BCAT2: variants seen among roughly 807,000 people sequenced by gnomAD.
BCAT2 encodes the protein branched-chain-amino-acid aminotransferase, mitochondrial.
BCAT2 carries 44 observed loss-of-function variants against 52.9 expected under a neutral mutation model. That is an observed-to-expected ratio of 0.83 (90% CI 0.65 to 1.07). BCAT2 has a LOEUF of 1.07. Ranked by LOEUF, BCAT2 falls within the 50% of genes least tolerant of loss-of-function variation. The pLI, the probability that BCAT2 is intolerant of heterozygous loss-of-function variation, is 0.00. For missense variants in BCAT2, 478 were observed against 521.8 expected, an observed-to-expected ratio of 0.92 and a Z score of 0.82; for synonymous variants, 215 against 217.1, an observed-to-expected ratio of 0.99 and a Z score of 0.08.
intron 6 of BCAT2, 85 bp from the exon 7 acceptor site, chr19:48,797,418 TC>T (rs1599793624): frequency 6.7e-7 from 1 of 1,499,866 alleles, no homozygotes; most frequent in East Asian, 2.3e-5. Context: ...TCCTACTCTC[TC>T]CCGTCTCCCT....
chr19:48,808,632 G>C (rs901609783), intron 1 of BCAT2, among the ~76,000 whole-genome samples: 1 of 152,010 alleles, frequency 6.6e-6, no homozygotes, highest in African/African-American at 2.4e-5. Context: ...GCGGGCGCCT[G>C]TAGTCCCAGC....
chr19:48,810,755 C>A (rs1158529005), intron 1 of BCAT2: 122 of 791,916 alleles, frequency 1.5e-4, no homozygotes, highest in Non-Finnish European at 1.7e-4. Context: ...TTTTTTTTTA[C>A]CTCCCCGCCA....
chr19:48,800,308 A>C lies in BCAT2; in HGVS notation c.301-11T>G, dbSNP rs886646322. On this transcript the variant is annotated splice_polypyrimidine_tract_variant and intron_variant, in intron 3 of 10. Transcript: ENST00000316273. ...CATGCCCTCAAACAGCTGCGGGGAC[A>C]CGCGGGTGGGGAGGCTCAGAGACTT... is the stretch of plus-strand genomic sequence containing the variant. 1.2e-6 allele frequency: 2 copies of C among 1,612,074 alleles called. No individual in the cohort carries two copies. Among genetic ancestry groups the C allele is most frequent in the African/African-American group, 2.7e-5 (2 of 74,938 alleles).
chr19:48,797,090 C>G (rs2034541781), intron 7 of BCAT2, 68 bp from the exon 8 acceptor site: 1 of 1,608,566 alleles, frequency 6.2e-7, no homozygotes, highest in African/African-American at 1.3e-5. Flanking sequence ...TAAGAGCCAC[C>G]CCCTTCCCCC....
intron 1 of BCAT2, chr19:48,810,756 CT>C: frequency 9.9e-7 from 1 of 1,015,210 alleles, no homozygotes; most frequent in Admixed American, 5.1e-5. Context: ...TTTTTTTTAC[CT>C]CCCCGCCAAT....
intron 3 of BCAT2, among the ~76,000 whole-genome samples, chr19:48,801,023 TG>T (rs940343865): frequency 6.6e-6 from 1 of 152,008 alleles, no homozygotes; most frequent in African/African-American, 2.4e-5. Flanking sequence ...GGTCTCACTC[TG>T]TCACCCAGGC....
intron 6 of BCAT2, among the ~76,000 whole-genome samples, chr19:48,797,699 C>T (rs1238984427): frequency 6.6e-6 from 1 of 151,752 alleles, no homozygotes; most frequent in African/African-American, 2.4e-5. Context: ...CTGCCCGCCT[C>T]AGCCTCCCAA....
intron 6 of BCAT2, among the ~76,000 whole-genome samples, chr19:48,798,059 C>A (rs1470545600): frequency 6.6e-6 from 1 of 152,104 alleles, no homozygotes; most frequent in African/African-American, 2.4e-5. Flanking sequence ...TGAGCCACAG[C>A]GCCCGGCCTT....
intron 6 of BCAT2, among the ~76,000 whole-genome samples, chr19:48,797,772 T>G (rs1451401182): frequency 6.8e-6 from 1 of 146,344 alleles, no homozygotes; most frequent in East Asian, 2.1e-4. Flanking sequence ...ACTGACCAAA[T>G]CCTCAGCTGT....
In BCAT2 at chr19:48,807,263, T is replaced by G; in HGVS notation, c.25-189A>C. The G allele has an allele frequency of 1.9e-6, 1 of 540,412 alleles. No individual in the cohort carries two copies. The highest frequency in any genetic ancestry group is 3.3e-6 in the Non-Finnish European group (1 of 306,116). The allele number at this position is 540,412 out of a possible 1,614,324, so 33.5% of individuals were successfully genotyped here. A position where few individuals can be genotyped will look rare whatever the true frequency, so the allele number is the denominator to read the frequency against. ...CCTCCCTGCCCTGACGAGGGCTCGC[T>G]GGAAAGAGCTGAGTCAGCTCCCGCC... On this transcript the variant is annotated intron_variant, in intron 1 of 10. Transcript: ENST00000316273. This position sits in a 1 kb window ranked among gnomAD's most constrained non-coding sequence, Gnocchi z 4.6.
At chr19:48,805,343 T>C (rs1275801840) in intron 3 of BCAT2, among the ~76,000 whole-genome samples, 4 of 152,050 alleles carry the variant, frequency 2.6e-5, no homozygotes, top group Non-Finnish European at 5.9e-5. Flanking sequence ...CCAGCCCGGC[T>C]TCCTAGCCTG....
chr19:48,797,947 A>G (rs774889635), intron 6 of BCAT2, among the ~76,000 whole-genome samples: 1 of 149,854 alleles, frequency 6.7e-6, no homozygotes, highest in Non-Finnish European at 1.5e-5. Context: ...CTCCTGAGTA[A>G]CTGGAGTAAC....
At chr19:48,805,149 C>T (rs1432408266) in intron 3 of BCAT2, among the ~76,000 whole-genome samples, 3 of 152,162 alleles carry the variant, frequency 2.0e-5, no homozygotes, top group Admixed American at 1.3e-4. Context: ...TCACTTAAAT[C>T]TTGTCTCAAC....
Position 48,799,628 on chromosome 19 carries a change from C to A in BCAT2, c.695+47G>T, listed in dbSNP as rs765752062. 1 of 1,510,776 alleles carries A rather than the reference C, an allele frequency of 6.6e-7. No individual in the cohort carries two copies. The allele number at this position is 1,510,776 out of a possible 1,614,324, so 93.6% of individuals were successfully genotyped here. On this transcript the variant is annotated intron_variant, in intron 6 of 10. Transcript: ENST00000316273. The surrounding 1 kb of genome is among the most constrained non-coding windows in gnomAD (Gnocchi z 5.5). ...AGCACGCACGCTGGTCCCTGTGTCT[C>A]CAACGCCCAGTGCGCCAGTCGTTCT... is the stretch of plus-strand genomic sequence containing the variant.
In BCAT2 at chr19:48,807,260, C is replaced by T. The variant is rs754262923; in HGVS notation, c.25-186G>A. 18 of 543,432 alleles carry T rather than the reference C, an allele frequency of 3.3e-5. No individual in the cohort carries two copies. Among genetic ancestry groups the T allele is most frequent in the Non-Finnish European group, 5.5e-5 (17 of 308,904 alleles). The allele number at this position is 543,432 out of a possible 1,614,324, so 33.7% of individuals were successfully genotyped here. On this transcript the variant is annotated intron_variant, in intron 1 of 10. Coordinates refer to ENST00000316273, the MANE Select transcript of BCAT2 (RefSeq NM_001190.4). The surrounding 1 kb of genome is among the most constrained non-coding windows in gnomAD (Gnocchi z 4.6). ...TCCCCTCCCTGCCCTGACGAGGGCTCGCTGGAAAGAGCTGAGTCAGCTCCC... is the reference window on the plus strand; with the variant it reads ...TCCCCTCCCTGCCCTGACGAGGGCTTGCTGGAAAGAGCTGAGTCAGCTCCC...
chr19:48,796,029 T>C (rs982836291), intron 10 of BCAT2: 2 of 369,054 alleles, frequency 5.4e-6, no homozygotes, highest in Non-Finnish European at 9.8e-6. Flanking sequence ...CAGTGATTCA[T>C]GGAAAGGGCC....
In BCAT2 at chr19:48,799,793, T is replaced by C. The variant is rs1265802352; in HGVS notation, c.577A>G (p.Ile193Val). 1 of 1,564,778 alleles carries C rather than the reference T, an allele frequency of 6.4e-7. No individual in the cohort carries two copies. Among genetic ancestry groups the C allele is most frequent in the South Asian group, 1.2e-5 (1 of 85,236 alleles). The change falls in exon 6 of 11, where the codon ATT becomes GTT. Residue 193 changes from isoleucine to valine, a missense_variant. Physicochemically the swap from Ile to Val is conservative, Grantham distance 29. Coordinates refer to ENST00000316273, the MANE Select transcript of BCAT2 (RefSeq NM_001190.4). This position sits in a 1 kb window ranked among gnomAD's most constrained non-coding sequence, Gnocchi z 5.5. ...SQPTRALLFVILCPVGAYFPG... is the reference protein window; with the variant it reads ...SQPTRALLFVVLCPVGAYFPG... Reference sequence around the variant, plus strand: ...AAGTAGGCACCCACTGGGCAGAGAATGACGAACAGGAGCGCGCGCGTGGGC... The same window carrying C: ...AAGTAGGCACCCACTGGGCAGAGAACGACGAACAGGAGCGCGCGCGTGGGC...
chr19:48,806,717 C>A lies in BCAT2; in HGVS notation c.100G>T (p.Ala34Ser). The change falls in exon 3 of 11, where the codon GCT (alanine) becomes TCT (serine). Residue 34 changes from alanine (A) to serine (S), a missense_variant and splice_region_variant. Ala to Ser is a moderately conservative substitution (Grantham distance 99, BLOSUM62 1). Coordinates refer to ENST00000316273, the MANE Select transcript of BCAT2 (RefSeq NM_001190.4). ...PRRYASSSFK[A>S]ADLQLEMTQK... Reference sequence around the variant, plus strand: ...GTCATTTCCAGCTGCAGGTCTGCAGCCTGAGGAAAGACAGGGGTATCCTAG... The same window carrying A: ...GTCATTTCCAGCTGCAGGTCTGCAGACTGAGGAAAGACAGGGGTATCCTAG... 1 of 1,612,682 alleles carries A rather than the reference C, an allele frequency of 6.2e-7. No individual in the cohort carries two copies. Among genetic ancestry groups the A allele is most frequent in the Non-Finnish European group, 8.5e-7 (1 of 1,180,000 alleles).
chr19:48,801,237 CTT>C (rs71335820), intron 3 of BCAT2, among the ~76,000 whole-genome samples: 2 of 144,590 alleles, frequency 1.4e-5, no homozygotes, highest in Non-Finnish European at 3.0e-5. Flanking sequence ...CCCAGCCAGA[CTT>C]TTTTTTTTTT....
Sources: allele counts gnomAD v4.1 joint callset (sites outside exome capture counted in the v4.1 genomes callset), GRCh38; gene constraint gnomAD v4.1.1; non-coding constraint Gnocchi (gnomAD v3.1); transcripts MANE v1.5; gene names NCBI Gene and HGNC (gene_info 2026-07-23, HGNC 2026-07-21).